THBS1: variants seen among roughly 807,000 people sequenced by gnomAD.
The protein encoded by THBS1 is thrombospondin-1.
Under a neutral mutation model 126.1 loss-of-function variants are expected in THBS1, and 29 were observed. The observed-to-expected ratio is 0.23, with a 90% CI of 0.17 to 0.31. The LOEUF (loss-of-function observed/expected upper bound fraction) is 0.31. Ranked by LOEUF, THBS1 falls within the 10% of genes least tolerant of loss-of-function variation. The pLI, the probability that THBS1 is intolerant of heterozygous loss-of-function variation, is 1.00. For missense variants in THBS1, 1,198 were observed against 1,545.2 expected, an observed-to-expected ratio of 0.78 and a Z score of 3.77; for synonymous variants, 496 against 577.8, an observed-to-expected ratio of 0.86 and a Z score of 2.03.
intron 15 of THBS1, 28 bp from the exon 16 acceptor site, chr15:39,591,477 G>A (rs778729656): frequency 6.2e-7 from 1 of 1,613,446 alleles, no homozygotes; most frequent in Non-Finnish European, 8.5e-7. Flanking sequence ...GGAGAGCCCA[G>A]CTCTTATTTG....
chr15:39,588,990 C>T lies in THBS1; in HGVS notation c.1677C>T (p.Gly559=), dbSNP rs1023184883. The change falls in exon 11 of 22, where the codon GGC becomes GGT. Residue 559 remains glycine (G), a synonymous_variant. Transcript: ENST00000260356. ...GCCTGTCCAATCCCTGCTTTGCCGG[C>T]GTGAAGTGTACTAGCTACCCTGATG... ...DGCLSNPCFA[G]VKCTSYPDGS... The T allele has an allele frequency of 5.6e-6, 9 of 1,613,960 alleles. No individual in the cohort carries two copies. Among genetic ancestry groups the T allele is most frequent in the Non-Finnish European group, 7.6e-6 (9 of 1,180,018 alleles).
Position 39,595,595 on chromosome 15 carries a change from T to C in THBS1, c.*226T>C. 1 of 640,806 alleles carries C rather than the reference T, an allele frequency of 1.6e-6. No homozygotes were observed. Among genetic ancestry groups the C allele is most frequent in the Non-Finnish European group, 2.8e-6 (1 of 353,564 alleles). 39.7% of individuals were successfully genotyped at this position (640,806 alleles called of 1,614,324 possible). Reference sequence around the variant, plus strand: ...CAATGAATAAGACATCTTCCAAGCATATAAACAATTGCTTTGGTTTCCTTT... The same window carrying C: ...CAATGAATAAGACATCTTCCAAGCACATAAACAATTGCTTTGGTTTCCTTT... On this transcript the variant is annotated 3_prime_UTR_variant, in exon 22 of 22. Coordinates refer to ENST00000260356, the MANE Select transcript of THBS1 (RefSeq NM_003246.4).
In THBS1 at chr15:39,593,459, G is replaced by A. The variant is rs767595971; in HGVS notation, c.3058G>A (p.Asp1020Asn). ...CTTCTTCATCAACACCGAAAGGGAC[G>A]ATGACTATGCTGGATTTGTCTTTGG... ...GTFFINTERD[D>N]DYAGFVFGYQ... Residue 1020 changes from aspartate to asparagine, a missense_variant, in exon 19 of 22, where the codon GAT becomes AAT. By Grantham distance (23) the Asp-to-Asn change is conservative. This residue lies in a region of THBS1 where 255 missense variants were observed against 373.9 expected (regional missense o/e 0.68). Coordinates refer to ENST00000260356, the MANE Select transcript of THBS1 (RefSeq NM_003246.4). This position sits in a 1 kb window ranked among gnomAD's most constrained non-coding sequence, Gnocchi z 5.9. The A allele has an allele frequency of 1.7e-5, 27 of 1,614,096 alleles. No homozygotes were observed. Among genetic ancestry groups the A allele is most frequent in the Non-Finnish European group, 2.1e-5 (25 of 1,180,016 alleles).
At chr15:39,586,067 G>A (rs757706355) in intron 7 of THBS1, among the ~76,000 whole-genome samples, 36 of 152,142 alleles carry the variant, frequency 2.4e-4, no homozygotes, top group Admixed American at 4.6e-4. Flanking sequence ...GCACGATATC[G>A]TTCCATGGCA....
intron 7 of THBS1, 114 bp from the exon 8 acceptor site, chr15:39,587,233 A>C: frequency 9.6e-7 from 1 of 1,037,430 alleles, no homozygotes; most frequent in Non-Finnish European, 1.4e-6. Context: ...AGCCAAAAAG[A>C]AATAAATATA....
rs149744728 is a variant in THBS1, at chr15:39,587,403, A to G, written c.1177A>G (p.Thr393Ala). 1.2e-6 allele frequency: 2 copies of G among 1,613,952 alleles called. No homozygotes were observed. Among genetic ancestry groups the G allele is most frequent in the African/African-American group, 2.7e-5 (2 of 75,036 alleles). Residue 393 changes from threonine to alanine, a missense_variant, in exon 8 of 22, where the codon ACG (threonine) becomes GCG (alanine). By Grantham distance (58) the Thr-to-Ala change is moderately conservative. This residue lies in a region of THBS1 where 663 missense variants were observed against 860.1 expected (regional missense o/e 0.77). Transcript: ENST00000260356. ...ATGGTCCGAGTGGACCTCCTGTTCT[A>G]CGAGCTGTGGCAATGGAATTCAGCA... ...SPWSEWTSCS[T>A]SCGNGIQQRG...
chr15:39,591,519 C>G lies in THBS1; in HGVS notation c.2428C>G (p.Arg810Gly), dbSNP rs760644149. The G allele has an allele frequency of 6.2e-7, 1 of 1,614,144 alleles. No individual in the cohort carries two copies. Among genetic ancestry groups the G allele is most frequent in the African/African-American group, 1.3e-5 (1 of 75,038 alleles). The change falls in exon 16 of 22, where the codon CGG becomes GGG. Residue 810 changes from arginine (R) to glycine (G), a missense_variant. Physicochemically the swap from Arg to Gly is moderately radical, Grantham distance 125. This residue lies in a region of THBS1 where 663 missense variants were observed against 860.1 expected (regional missense o/e 0.77). Coordinates refer to ENST00000260356, the MANE Select transcript of THBS1 (RefSeq NM_003246.4). ...GTTCTCTTCAGGTATCCTCAATGAACGGGACAACTGCCAGTACGTCTACAA... is the reference window on the plus strand; with the variant it reads ...GTTCTCTTCAGGTATCCTCAATGAAGGGGACAACTGCCAGTACGTCTACAA... ...DIDGDGILNE[R>G]DNCQYVYNVD...
intron 16 of THBS1, among the ~76,000 whole-genome samples, chr15:39,591,948 TATTA>T (rs1159422169): frequency 1.3e-5 from 2 of 152,208 alleles, no homozygotes; most frequent in African/African-American, 4.8e-5. Flanking sequence ...TGTACAATAA[TATTA>T]ATCATATGTA....
Position 39,597,688 on chromosome 15 carries a change from G to A in THBS1, c.*2319G>A, listed in dbSNP as rs1228396861. 7 of 152,172 alleles carry A rather than the reference G, an allele frequency of 4.6e-5. No homozygotes were observed. Among genetic ancestry groups the A allele is most frequent in the Non-Finnish European group, 8.8e-5 (6 of 68,036 alleles). The allele number at this position is 152,172 out of a possible 1,614,324, so 9.4% of individuals were successfully genotyped here. On this transcript the variant is annotated 3_prime_UTR_variant, in exon 22 of 22. Coordinates refer to ENST00000260356, the MANE Select transcript of THBS1 (RefSeq NM_003246.4). ...AAAGAACAAAATGATACATTAGCCT[G>A]CCATATCAAAAACATATAAAAGAGA...
Position 39,582,262 on chromosome 15 carries a change from G to A in THBS1, c.137G>A (p.Arg46His), listed in dbSNP as rs774720607. ...GGGGCCGCCCGCAAGGGGTCTGGGC[G>A]CCGACTGGTGAAGGGCCCCGACCCT... ...LTGAARKGSG[R>H]RLVKGPDPSS... The change falls in exon 3 of 22, where the codon CGC (arginine) becomes CAC (histidine). Residue 46 changes from arginine to histidine, a missense_variant. Physicochemically the swap from Arg to His is conservative, Grantham distance 29. Around this residue, in one of 4 missense-constraint regions of THBS1, gnomAD observed 271 missense variants for 277.0 expected, o/e 0.98. Transcript: ENST00000260356. 5.0e-6 allele frequency: 8 copies of A among 1,614,114 alleles called. No individual in the cohort carries two copies. In the East Asian group the frequency reaches 1.1e-4, roughly 22 times the overall value.
At position 39,593,726 on chromosome 15, in the gene THBS1, G is replaced by A; in HGVS notation, c.3267+58G>A. 1.3e-6 allele frequency: 2 copies of A among 1,583,298 alleles called. No individual in the cohort carries two copies. Among genetic ancestry groups the A allele is most frequent in the South Asian group, 2.3e-5 (2 of 86,930 alleles). On this transcript the variant is annotated intron_variant, in intron 19 of 21. Transcript: ENST00000260356. This position sits in a 1 kb window ranked among gnomAD's most constrained non-coding sequence, Gnocchi z 5.9. ...CTTATGGGTGCCTGACTAGCACTGGGGATGCTGTGCTTTGACCAAGACTCT... is the reference window on the plus strand; with the variant it reads ...CTTATGGGTGCCTGACTAGCACTGGAGATGCTGTGCTTTGACCAAGACTCT...
intron 9 of THBS1, 56 bp from the exon 10 acceptor site, chr15:39,588,470 A>G: frequency 3.3e-6 from 5 of 1,514,760 alleles, no homozygotes; most frequent in South Asian, 2.7e-5. Flanking sequence ...AGTCTATGAC[A>G]AGGGAGGGAT....
rs1278543287 is a variant in THBS1 at position 39,592,987 on chromosome 15, T to C, written c.2768-13T>C. 6.2e-7 allele frequency: 1 copy of C among 1,612,272 alleles called. No homozygotes were observed. The highest frequency in any genetic ancestry group is 1.7e-5 in the Admixed American group (1 of 59,966). The stretch of plus-strand genomic sequence containing the variant: ...TTTAGAATTTTGCTGAACTCTTGCT[T>C]TTTTGACCTCAGGCGATGGTCGAGG... On this transcript the variant is annotated splice_polypyrimidine_tract_variant and intron_variant, in intron 17 of 21. Coordinates refer to ENST00000260356, the MANE Select transcript of THBS1 (RefSeq NM_003246.4). The surrounding 1 kb of genome is among the most constrained non-coding windows in gnomAD (Gnocchi z 4.3).
intron 6 of THBS1, 101 bp downstream of exon 6, chr15:39,584,523 C>A: frequency 6.8e-7 from 1 of 1,479,852 alleles, no homozygotes; most frequent in Non-Finnish European, 9.1e-7. Context: ...TTTTTATGTT[C>A]CATGGCCTGA....
rs773942933 is a variant in THBS1, at chr15:39,593,485, C to T, written c.3084C>T (p.Gly1028=). ...RDDDYAGFVF[G]YQSSSRFYVV... ...ATGACTATGCTGGATTTGTCTTTGG[C>T]TACCAGTCCAGCAGCCGCTTTTATG... Residue 1028 remains glycine (G), a synonymous_variant, in exon 19 of 22, where the codon GGC becomes GGT. Transcript: ENST00000260356. The surrounding 1 kb of genome is among the most constrained non-coding windows in gnomAD (Gnocchi z 5.9). 32 of 1,614,200 alleles carry T rather than the reference C, an allele frequency of 2.0e-5. No individual in the cohort carries two copies. The highest frequency in any genetic ancestry group is 2.5e-5 in the Non-Finnish European group (30 of 1,180,022).
Position 39,596,325 on chromosome 15 carries a change from T to C in THBS1, c.*956T>C, listed in dbSNP as rs1259061001. 1 of 154,694 alleles carries C rather than the reference T, an allele frequency of 6.5e-6. No homozygotes were observed. The highest frequency in any genetic ancestry group is 2.4e-5 in the African/African-American group (1 of 41,486). 9.6% of individuals were successfully genotyped at this position (154,694 alleles called of 1,614,324 possible). On this transcript the variant is annotated 3_prime_UTR_variant, in exon 22 of 22. Coordinates refer to ENST00000260356, the MANE Select transcript of THBS1 (RefSeq NM_003246.4). ...TTTTCTCTTTTTTCCTGAATTATCA[T>C]GGAGTTTTCTAATTCTCTCTTTTGG...
In THBS1 at chr15:39,593,052, A is replaced by G. The variant is rs1246080505; in HGVS notation, c.2820A>G (p.Pro940=). 5 of 1,609,126 alleles carry G rather than the reference A, an allele frequency of 3.1e-6. No homozygotes were observed. The African/African-American group carries it at 5.3e-5, about 17-fold the overall frequency. ...ATGATTTTGACCATGACAGTGTGCC[A>G]GACATCGATGACATCTGTCCTGAGA... ...CKDDFDHDSV[P]DIDDICPENV... The change falls in exon 18 of 22, where the codon CCA becomes CCG. Residue 940 remains proline, a synonymous_variant. Coordinates refer to ENST00000260356, the MANE Select transcript of THBS1 (RefSeq NM_003246.4). The surrounding 1 kb of genome is among the most constrained non-coding windows in gnomAD (Gnocchi z 5.9).
At position 39,581,109 on chromosome 15, in the gene THBS1, C is replaced by G. The variant is rs1054104110; in HGVS notation, c.-149C>G. 6.5e-6 allele frequency: 1 copy of G among 152,686 alleles called. No individual in the cohort carries two copies. Among genetic ancestry groups the G allele is most frequent in the Non-Finnish European group, 1.5e-5 (1 of 68,228 alleles). 9.5% of individuals were successfully genotyped at this position (152,686 alleles called of 1,614,324 possible). A position where few individuals can be genotyped will look rare whatever the true frequency, so the allele number is the denominator to read the frequency against. ...CTGCGCCCGAGCTGGCCTGCGAGTT[C>G]AGGGCTCCTGTCGCTCTCCAGGAGC... On this transcript the variant is annotated 5_prime_UTR_variant, in exon 1 of 22. Transcript: ENST00000260356.
rs947423970 is a variant in THBS1 at position 39,589,475 on chromosome 15, T to C, written c.1926+121T>C. ...AAAAAAAAAAGGGCGAGGAGATGAA[T>C]GTACGGTCTAGTTTTAGAAACGTGA... On this transcript the variant is annotated intron_variant, in intron 12 of 21. Transcript: ENST00000260356. This position sits in a 1 kb window ranked among gnomAD's most constrained non-coding sequence, Gnocchi z 4.7. The C allele has an allele frequency of 2.3e-6, 3 of 1,288,318 alleles. No individual in the cohort carries two copies. Among genetic ancestry groups the C allele is most frequent in the Non-Finnish European group, 3.1e-6 (3 of 953,598 alleles). The allele number at this position is 1,288,318 out of a possible 1,614,324, so 79.8% of individuals were successfully genotyped here.
Sources: gnomAD v4.1 joint callset for allele counts (sites outside exome capture counted in the v4.1 genomes callset) on GRCh38, gnomAD v4.1.1 for gene constraint, gnomAD v4.1.1 regional missense constraint, Gnocchi (gnomAD v3.1) non-coding constraint, MANE v1.5 for transcripts, NCBI Gene and HGNC (gene_info 2026-07-23, HGNC 2026-07-21) for gene names.